The following MAN1C1 variants were observed in gnomAD, a reference collection of about 807,000 sequenced individuals.
The protein encoded by MAN1C1 is mannosyl-oligosaccharide 1,2-alpha-mannosidase IC.
Under a neutral mutation model 71.5 loss-of-function variants are expected in MAN1C1, and 49 were observed. That is an observed-to-expected ratio of 0.69 (90% CI 0.54 to 0.87). The LOEUF is 0.87. MAN1C1 is among the 40% of genes least tolerant of loss of function. The pLI is 0.00. For synonymous variants in MAN1C1, 352 were observed against 343.7 expected, an observed-to-expected ratio of 1.02 and a Z score of -0.27; for missense variants, 743 against 835.0, an observed-to-expected ratio of 0.89 and a Z score of 1.36.
chr1:25,783,653 T>C lies in MAN1C1; in HGVS notation c.1767-10T>C, dbSNP rs1261898594. The C allele has an allele frequency of 3.1e-6, 5 of 1,611,008 alleles. No homozygotes were observed. Among genetic ancestry groups the C allele is most frequent in the Non-Finnish European group, 4.2e-6 (5 of 1,179,642 alleles). ...CTGTGTCTTGCTTCCCTGCCCTGCG[T>C]GGGGCACAGGTATCTCTATCTTCTG... is the stretch of plus-strand genomic sequence containing the variant. On this transcript the variant is annotated splice_polypyrimidine_tract_variant and intron_variant, in intron 11 of 11. Coordinates refer to ENST00000374332, the MANE Select transcript of MAN1C1 (RefSeq NM_020379.4).
At chr1:25,771,146 T>C (rs1462466496) in intron 7 of MAN1C1, among the ~76,000 whole-genome samples, 2 of 152,220 alleles carry the variant, frequency 1.3e-5, no homozygotes, top group Admixed American at 6.5e-5. Flanking sequence ...TTGAACTCCA[T>C]TTATCTCAAT....
chr1:25,665,176 A>G (rs2045904489), intron 1 of MAN1C1, among the ~76,000 whole-genome samples: 2 of 152,172 alleles, frequency 1.3e-5, no homozygotes, highest in South Asian at 4.1e-4. Flanking sequence ...ATCTTTAATT[A>G]TAGAGGCTAT....
rs907453921 is a variant in MAN1C1, at chr1:25,715,987, A to C, written c.637+29451A>C. Among the ~76,000 whole-genome samples the C allele has an allele frequency of 2.0e-5, 3 of 152,180 alleles. No homozygotes were observed. In the South Asian group the frequency reaches 6.2e-4, roughly 32 times the overall value. ...GTACTGGCTTCCACCTTACGGTCCA[A>C]AATTGCTGCTGTGGCTCCAGTCATC... is the stretch of plus-strand genomic sequence containing the variant. On this transcript the variant is annotated intron_variant, in intron 2 of 11. Transcript: ENST00000374332.
chr1:25,647,324 G>A (rs1010643370), intron 1 of MAN1C1, among the ~76,000 whole-genome samples: 2 of 152,142 alleles, frequency 1.3e-5, no homozygotes, highest in African/African-American at 4.8e-5. Context: ...AGCTTGGGAG[G>A]GCTGTTCCAG....
intron 2 of MAN1C1, among the ~76,000 whole-genome samples, chr1:25,726,530 G>A (rs1021167167): frequency 6.6e-6 from 1 of 152,004 alleles, no homozygotes; most frequent in Admixed American, 6.6e-5. Context: ...TTTTTTGCTT[G>A]GTAGGATCTT....
At chr1:25,700,306 T>A (rs2046424104) in intron 2 of MAN1C1, among the ~76,000 whole-genome samples, 1 of 152,242 alleles carries the variant, frequency 6.6e-6, no homozygotes, top group Non-Finnish European at 1.5e-5. Flanking sequence ...CCTGCCTTCC[T>A]TCTAGCACGC....
chr1:25,780,227 A>C (rs766476515), intron 9 of MAN1C1, among the ~76,000 whole-genome samples: 23 of 152,244 alleles, frequency 1.5e-4, no homozygotes, highest in Non-Finnish European at 2.9e-4. Context: ...GAAATCATAA[A>C]TAGTGGCTAC....
chr1:25,749,192 T>C (rs1295107733), intron 3 of MAN1C1, 63 bp from the exon 4 acceptor site: 9 of 1,389,926 alleles, frequency 6.5e-6, no homozygotes, highest in Non-Finnish European at 9.0e-6. Flanking sequence ...CAGGGTGACC[T>C]GTCTCAAGGG....
At chr1:25,780,328 A>G (rs955197624) in intron 9 of MAN1C1, among the ~76,000 whole-genome samples, 3 of 152,186 alleles carry the variant, frequency 2.0e-5, no homozygotes, top group African/African-American at 7.2e-5. Flanking sequence ...AGGCTCCCTC[A>G]GGCCCTCCTT....
chr1:25,629,885 A>G lies in MAN1C1; in HGVS notation c.540+11548A>G, dbSNP rs148879042. 4.6e-5 allele frequency among the ~76,000 whole-genome samples: 7 copies of G among 151,866 alleles called. No homozygotes were observed. In the East Asian group the frequency reaches 1.4e-3, roughly 29 times the overall value. On this transcript the variant is annotated intron_variant, in intron 1 of 11. Transcript: ENST00000374332. Reference sequence around the variant, plus strand: ...TACTTTTGCTGTGCAGAAACTTTTTAGTTTAACGAGATCCCATTTATTGAT... The same window carrying G: ...TACTTTTGCTGTGCAGAAACTTTTTGGTTTAACGAGATCCCATTTATTGAT...
At position 25,784,147 on chromosome 1, in the gene MAN1C1, T is replaced by G. The variant is rs1016460886; in HGVS notation, c.*358T>G. 53 of 194,702 alleles carry G rather than the reference T, an allele frequency of 2.7e-4. No homozygotes were observed. The highest frequency in any genetic ancestry group is 1.1e-3 in the African/African-American group (49 of 43,362). 12.1% of individuals were successfully genotyped at this position (194,702 alleles called of 1,614,324 possible). On this transcript the variant is annotated 3_prime_UTR_variant, in exon 12 of 12. Coordinates refer to ENST00000374332, the MANE Select transcript of MAN1C1 (RefSeq NM_020379.4). Reference sequence around the variant, plus strand: ...TGTTTTTGCTTGATTTTGTCTTTTCTCTACAGTTTAGTTTTGTCACAATTA... The same window carrying G: ...TGTTTTTGCTTGATTTTGTCTTTTCGCTACAGTTTAGTTTTGTCACAATTA...
At chr1:25,665,643 AGAAGATCACT>A (rs2045912158) in intron 1 of MAN1C1, among the ~76,000 whole-genome samples, 1 of 152,030 alleles carries the variant, frequency 6.6e-6, no homozygotes, top group African/African-American at 2.4e-5. Context: ...TTCCCACCTA[AGAAGATCACT>A]GATGGAGAAA....
At chr1:25,670,583 G>A (rs960203006) in intron 1 of MAN1C1, among the ~76,000 whole-genome samples, 10 of 152,202 alleles carry the variant, frequency 6.6e-5, no homozygotes, top group South Asian at 2.1e-4. Context: ...GGCAGCAGCC[G>A]GCCTTCGTTT....
At chr1:25,750,957 T>TCTTC (rs2047205891) in intron 4 of MAN1C1, among the ~76,000 whole-genome samples, 1 of 152,056 alleles carries the variant, frequency 6.6e-6, no homozygotes, top group Non-Finnish European at 1.5e-5. Flanking sequence ...ACACATTGCT[T>TCTTC]CTTCCTTCCC....
intron 2 of MAN1C1, among the ~76,000 whole-genome samples, chr1:25,728,535 T>C (rs1157033274): frequency 6.6e-6 from 1 of 152,192 alleles, no homozygotes; most frequent in Non-Finnish European, 1.5e-5. Flanking sequence ...CATTTCTTTC[T>C]TGCTCATGTA....
At position 25,725,470 on chromosome 1, in the gene MAN1C1, G is replaced by A. The variant is rs932960273; in HGVS notation, c.638-21198G>A. Among the ~76,000 whole-genome samples the A allele has an allele frequency of 1.3e-5, 2 of 152,220 alleles. No individual in the cohort carries two copies. The highest frequency in any genetic ancestry group is 2.9e-5 in the Non-Finnish European group (2 of 68,040). ...TTCACAGAGCAGGTTACGTTGAGCTGGGCTTTGAAGAATAAGCTGGAGTCT... is the reference window on the plus strand; with the variant it reads ...TTCACAGAGCAGGTTACGTTGAGCTAGGCTTTGAAGAATAAGCTGGAGTCT... On this transcript the variant is annotated intron_variant, in intron 2 of 11. Coordinates refer to ENST00000374332, the MANE Select transcript of MAN1C1 (RefSeq NM_020379.4). This position sits in a 1 kb window ranked among gnomAD's most constrained non-coding sequence, Gnocchi z 4.8.
At chr1:25,675,969 C>T (rs964369995) in intron 1 of MAN1C1, among the ~76,000 whole-genome samples, 1 of 152,194 alleles carries the variant, frequency 6.6e-6, no homozygotes, top group African/African-American at 2.4e-5. Context: ...GCGTTTGAAT[C>T]ACCTGGGGCT....
chr1:25,697,193 TC>T (rs1350759253), intron 2 of MAN1C1, among the ~76,000 whole-genome samples: 1 of 152,094 alleles, frequency 6.6e-6, no homozygotes, highest in Non-Finnish European at 1.5e-5. Context: ...TCATCCTCTT[TC>T]CCCCCTTCCC....
intron 7 of MAN1C1, among the ~76,000 whole-genome samples, chr1:25,768,862 TA>T (rs2047501778): frequency 8.1e-6 from 1 of 123,016 alleles, no homozygotes; most frequent in African/African-American, 3.1e-5. Flanking sequence ...ACACTCTCCC[TA>T]CACACACTCC....
Sources: gnomAD v4.1 joint callset for allele counts (sites outside exome capture counted in the v4.1 genomes callset) on GRCh38, gnomAD v4.1.1 for gene constraint, Gnocchi (gnomAD v3.1) non-coding constraint, MANE v1.5 for transcripts, NCBI Gene and HGNC (gene_info 2026-07-23, HGNC 2026-07-21) for gene names.